The following ABHD17C variants were observed in gnomAD, a reference collection of about 807,000 sequenced individuals.
The protein encoded by ABHD17C is alpha/beta hydrolase domain-containing protein 17C.
A neutral mutation model predicts 27.9 loss-of-function variants in ABHD17C; 11 were observed. The ratio of observed to expected loss-of-function variants is 0.39; its 90% CI spans 0.25 to 0.65. The LOEUF (loss-of-function observed/expected upper bound fraction) is 0.65. Ranked by LOEUF, ABHD17C falls within the 30% of genes least tolerant of loss-of-function variation. The pLI is 0.45. For missense variants in ABHD17C, 280 were observed against 470.2 expected, an observed-to-expected ratio of 0.60 and a Z score of 3.74; for synonymous variants, 233 against 209.1, an observed-to-expected ratio of 1.11 and a Z score of -0.98.
intron 1 of ABHD17C, among the ~76,000 whole-genome samples, chr15:80,727,445 T>G (rs1158980300): frequency 6.6e-6 from 1 of 152,166 alleles, no homozygotes; most frequent in East Asian, 1.9e-4. Context: ...TCCTAGAAGG[T>G]TTGAATAGTC....
chr15:80,743,853 G>A (rs185585426), intron 1 of ABHD17C, among the ~76,000 whole-genome samples: 2 of 152,304 alleles, frequency 1.3e-5, no homozygotes, highest in Admixed American at 6.5e-5. Context: ...GATTACAGGC[G>A]TGAGCCACCG....
intron 1 of ABHD17C, among the ~76,000 whole-genome samples, chr15:80,725,116 G>A (rs931625535): frequency 5.9e-5 from 9 of 152,180 alleles, no homozygotes; most frequent in Admixed American, 5.9e-4. Flanking sequence ...TTTTGTCTAT[G>A]GGATAGTTTC....
intron 1 of ABHD17C, among the ~76,000 whole-genome samples, chr15:80,746,423 G>A (rs1345659581): frequency 2.0e-5 from 3 of 151,852 alleles, no homozygotes; most frequent in Admixed American, 6.6e-5. Flanking sequence ...TGATTTTAAT[G>A]TAATACTTTC....
At chr15:80,719,178 G>C (rs974383727) in intron 1 of ABHD17C, among the ~76,000 whole-genome samples, 1 of 152,160 alleles carries the variant, frequency 6.6e-6, no homozygotes, top group Admixed American at 6.5e-5. Context: ...ACGAAGAAAA[G>C]CAAGAGCCAT....
chr15:80,748,928 T>C (rs998591240), intron 1 of ABHD17C, among the ~76,000 whole-genome samples: 5 of 151,904 alleles, frequency 3.3e-5, no homozygotes, highest in Non-Finnish European at 7.4e-5. Flanking sequence ...TTTACTTAAC[T>C]AACAATTTGA....
At chr15:80,711,826 A>T (rs889623114) in intron 1 of ABHD17C, among the ~76,000 whole-genome samples, 1 of 152,134 alleles carries the variant, frequency 6.6e-6, no homozygotes, top group Non-Finnish European at 1.5e-5. Context: ...TGCAAAGCTA[A>T]CTAACTAACA....
intron 1 of ABHD17C, among the ~76,000 whole-genome samples, chr15:80,742,988 G>A (rs577285122): frequency 1.7e-5 from 2 of 114,694 alleles, no homozygotes; most frequent in South Asian, 5.9e-4. Flanking sequence ...AGGGCTTAGG[G>A]TTGAGTGGGT....
chr15:80,725,245 GT>G (rs1894956962), intron 1 of ABHD17C, among the ~76,000 whole-genome samples: 1 of 152,174 alleles, frequency 6.6e-6, no homozygotes, highest in Non-Finnish European at 1.5e-5. Context: ...ATACAGAAAA[GT>G]TTCTCCACCG....
intron 1 of ABHD17C, among the ~76,000 whole-genome samples, chr15:80,745,001 T>G (rs1895263054): frequency 6.6e-6 from 1 of 152,200 alleles, no homozygotes; most frequent in Non-Finnish European, 1.5e-5. Flanking sequence ...GTTGTCACAG[T>G]TTTGTGAGGG....
chr15:80,750,552 A>G (rs1567039855), intron 2 of ABHD17C, among the ~76,000 whole-genome samples: 1 of 152,168 alleles, frequency 6.6e-6, no homozygotes, highest in Non-Finnish European at 1.5e-5. Context: ...TATTGCTGGA[A>G]AAAAAATAAA....
chr15:80,701,584 C>T (rs933028802), intron 1 of ABHD17C, among the ~76,000 whole-genome samples: 1 of 150,838 alleles, frequency 6.6e-6, no homozygotes, highest in Non-Finnish European at 1.5e-5. Context: ...GAGGCCGAGG[C>T]ATGAGAATGG....
intron 1 of ABHD17C, among the ~76,000 whole-genome samples, chr15:80,715,344 A>G (rs1196803603): frequency 1.3e-5 from 2 of 152,228 alleles, no homozygotes; most frequent in Non-Finnish European, 1.5e-5. Context: ...AAACCTGGAT[A>G]ACTGTAGGTG....
In ABHD17C at chr15:80,723,386, G is replaced by A. The variant is rs148448919; in HGVS notation, c.591-26127G>A. Among the ~76,000 whole-genome samples the A allele has an allele frequency of 4.3e-3, 652 of 152,194 alleles. 4 individuals are homozygous for A. The highest frequency in any genetic ancestry group is 0.015 in the African/African-American group (616 of 41,524). ...GGTGAACTTCTCCATGGGTGAGACT[G>A]TCCTGTAATTTTAATAATGCTGACA... On this transcript the variant is annotated intron_variant, in intron 1 of 2. Transcript: ENST00000258884.
chr15:80,748,293 A>G (rs1377689576), intron 1 of ABHD17C, among the ~76,000 whole-genome samples: 1 of 152,212 alleles, frequency 6.6e-6, no homozygotes, highest in East Asian at 1.9e-4. Context: ...TGTAAGCTGC[A>G]ATACGTATTT....
At chr15:80,735,636 C>CT (rs1390999804) in intron 1 of ABHD17C, among the ~76,000 whole-genome samples, 3 of 152,140 alleles carry the variant, frequency 2.0e-5, no homozygotes, top group Non-Finnish European at 4.4e-5. Context: ...AAGAGAGACT[C>CT]TCCCTCCCCT....
intron 1 of ABHD17C, among the ~76,000 whole-genome samples, chr15:80,731,206 T>C (rs953049110): frequency 2.0e-5 from 3 of 152,170 alleles, no homozygotes; most frequent in Non-Finnish European, 4.4e-5. Flanking sequence ...CTTTAACAAC[T>C]GCCCTTGAGT....
chr15:80,727,613 G>C (rs1894999197), intron 1 of ABHD17C, among the ~76,000 whole-genome samples: 1 of 152,052 alleles, frequency 6.6e-6, no homozygotes, highest in Non-Finnish European at 1.5e-5. Flanking sequence ...GGAAGAAAGG[G>C]AACAGTATGG....
Position 80,696,039 on chromosome 15 carries a change from C to G in ABHD17C, c.590+20C>G, listed in dbSNP as rs1185632236. 6.5e-7 allele frequency: 1 copy of G among 1,537,578 alleles called. No homozygotes were observed. Among genetic ancestry groups the G allele is most frequent in the African/African-American group, 1.4e-5 (1 of 73,434 alleles). Reference sequence around the variant, plus strand: ...CACCCGGTGAGCCTGCCGGGGTCGCCAGGCCTGACTTCCAGCTGTGGGGAG... The same window carrying G: ...CACCCGGTGAGCCTGCCGGGGTCGCGAGGCCTGACTTCCAGCTGTGGGGAG... On this transcript the variant is annotated intron_variant, in intron 1 of 2. Transcript: ENST00000258884.
chr15:80,697,665 G>A (rs868777756), intron 1 of ABHD17C, among the ~76,000 whole-genome samples: 1 of 151,890 alleles, frequency 6.6e-6, no homozygotes, highest in African/African-American at 2.4e-5. Flanking sequence ...ATTAAGGGGC[G>A]TTGTTTTGGA....
Sources: gnomAD v4.1 joint callset for allele counts (sites outside exome capture counted in the v4.1 genomes callset) on GRCh38, gnomAD v4.1.1 for gene constraint, MANE v1.5 for transcripts, NCBI Gene and HGNC (gene_info 2026-07-23, HGNC 2026-07-21) for gene names.